GAP43: variants seen among roughly 807,000 people sequenced by gnomAD.
GAP43 encodes neuromodulin.
In GAP43, 6 loss-of-function variants were observed where a neutral mutation model predicts 18.6. That is an observed-to-expected ratio of 0.32 (90% CI 0.18 to 0.64). The LOEUF (loss-of-function observed/expected upper bound fraction) is 0.64, where lower values mean the gene tolerates loss of function less well. Ranked by LOEUF, GAP43 falls within the 30% of genes least tolerant of loss-of-function variation. The pLI, the probability that GAP43 is intolerant of heterozygous loss-of-function variation, is 0.78. For synonymous variants in GAP43, 115 were observed against 111.4 expected (o/e 1.03, Z -0.20); for missense variants, 292 against 295.5 (o/e 0.99, Z 0.09).
At chr3:115,669,983 T>TA (rs1708794434) in intron 1 of GAP43, among the ~76,000 whole-genome samples, 1 of 119,140 alleles carries the variant, frequency 8.4e-6, no homozygotes, top group African/African-American at 3.7e-5. Context: ...TTTTTTTTTT[T>TA]AATTTTTTTT....
At chr3:115,685,364 T>C (rs1474192917) in intron 2 of GAP43, among the ~76,000 whole-genome samples, 3 of 152,194 alleles carry the variant, frequency 2.0e-5, no homozygotes, top group South Asian at 2.1e-4. Context: ...AAGAAATGAT[T>C]TGCCAGGTTC....
chr3:115,688,270 C>T (rs1559801630), intron 2 of GAP43, among the ~76,000 whole-genome samples: 3 of 152,254 alleles, frequency 2.0e-5, no homozygotes, highest in Middle Eastern at 3.4e-3. Context: ...CCACCCACCT[C>T]GGCCTCCCAA....
At chr3:115,698,329 A>ATTATATATAAAATATAT (rs1709252020) in intron 2 of GAP43, among the ~76,000 whole-genome samples, 4 of 90,924 alleles carry the variant, frequency 4.4e-5, no homozygotes, top group Non-Finnish European at 6.4e-5. Context: ...ATATATATAT[A>ATTATATATAAAATATAT]AAACCAGTTC....
chr3:115,633,184 G>C (rs1249811196), intron 1 of GAP43, among the ~76,000 whole-genome samples: 1 of 151,932 alleles, frequency 6.6e-6, no homozygotes, highest in Admixed American at 6.6e-5. Context: ...AATTTTAAAT[G>C]ATGAGAGAGA....
intron 2 of GAP43, among the ~76,000 whole-genome samples, chr3:115,693,485 T>C (rs1709141024): frequency 6.9e-6 from 1 of 144,350 alleles, no homozygotes; most frequent in South Asian, 2.2e-4. Flanking sequence ...AAAATCCTGT[T>C]AAATTATTAT....
chr3:115,697,424 T>G (rs1360615454), intron 2 of GAP43, among the ~76,000 whole-genome samples: 6 of 152,166 alleles, frequency 3.9e-5, no homozygotes, highest in Admixed American at 6.5e-5. Context: ...TCCCTGTACA[T>G]TCTTTGGTGA....
chr3:115,662,284 TG>T (rs1345271755), intron 1 of GAP43, among the ~76,000 whole-genome samples: 2 of 152,218 alleles, frequency 1.3e-5, no homozygotes, highest in African/African-American at 4.8e-5. Context: ...CTTGATTCTC[TG>T]CAGTGATTTA....
chr3:115,709,538 C>T (rs1344765494), intron 2 of GAP43, among the ~76,000 whole-genome samples: 1 of 152,140 alleles, frequency 6.6e-6, no homozygotes, highest in Non-Finnish European at 1.5e-5. Flanking sequence ...TAAACACATA[C>T]AATTAACATT....
chr3:115,720,207 G>A (rs1399067813), intron 2 of GAP43, among the ~76,000 whole-genome samples: 1 of 152,166 alleles, frequency 6.6e-6, no homozygotes, highest in Non-Finnish European at 1.5e-5. Context: ...AGCTGCTACA[G>A]TGCCATGTAT....
intron 2 of GAP43, among the ~76,000 whole-genome samples, chr3:115,702,556 G>A (rs1709309258): frequency 6.6e-6 from 1 of 152,140 alleles, no homozygotes; most frequent in Non-Finnish European, 1.5e-5. Flanking sequence ...CAGTTAAGGA[G>A]ATGATTTTAC....
At chr3:115,623,857 G>T (rs1708148511) in intron 1 of GAP43, 138 bp downstream of exon 1, 1 of 832,634 alleles carries the variant, frequency 1.2e-6, no homozygotes, top group Non-Finnish European at 2.1e-6. Flanking sequence ...GTAACTGATG[G>T]TTGCATCCCA....
At chr3:115,661,217 G>A (rs959068597) in intron 1 of GAP43, 1 of 152,180 alleles carries the variant, frequency 6.6e-6, no homozygotes, top group Admixed American at 6.5e-5. Flanking sequence ...CATGCTGCTA[G>A]CTCACTGGTC....
chr3:115,651,691 G>A (rs1194849068), intron 1 of GAP43, among the ~76,000 whole-genome samples: 3 of 151,958 alleles, frequency 2.0e-5, no homozygotes, highest in Non-Finnish European at 2.9e-5. Context: ...TATCTGGCCC[G>A]TGCTTTTCTT....
At chr3:115,651,518 G>GA (rs1229926771) in intron 1 of GAP43, among the ~76,000 whole-genome samples, 20 of 152,214 alleles carry the variant, frequency 1.3e-4, no homozygotes, top group African/African-American at 4.3e-4. Flanking sequence ...GGCATCAAGA[G>GA]AAAAAATCTA....
At chr3:115,699,867 A>T (rs967162910) in intron 2 of GAP43, among the ~76,000 whole-genome samples, 1 of 152,212 alleles carries the variant, frequency 6.6e-6, no homozygotes, top group Non-Finnish European at 1.5e-5. Context: ...AGCTGATGGC[A>T]CTGGGTTGAG....
chr3:115,706,608 T>C (rs1347804488), intron 2 of GAP43, among the ~76,000 whole-genome samples: 2 of 152,244 alleles, frequency 1.3e-5, no homozygotes, highest in African/African-American at 4.8e-5. Context: ...TTAGTAGCCT[T>C]GATTCTTGTA....
chr3:115,696,577 C>T (rs1288480185), intron 2 of GAP43, among the ~76,000 whole-genome samples: 3 of 87,766 alleles, frequency 3.4e-5, no homozygotes, highest in East Asian at 4.4e-4. Flanking sequence ...TGCCCCCCAC[C>T]GCCCCCCCCC....
At chr3:115,647,772 G>A (rs1708475348) in intron 1 of GAP43, among the ~76,000 whole-genome samples, 3 of 118,946 alleles carry the variant, frequency 2.5e-5, no homozygotes, top group Non-Finnish European at 3.8e-5. Flanking sequence ...AAAAAAAAAC[G>A]GCCTGATAGG....
At chr3:115,702,559 G>T (rs1052181486) in intron 2 of GAP43, among the ~76,000 whole-genome samples, 2 of 152,124 alleles carry the variant, frequency 1.3e-5, no homozygotes, top group African/African-American at 4.8e-5. Flanking sequence ...TTAAGGAGAT[G>T]ATTTTACTTA....
Sources: gnomAD v4.1 joint callset for allele counts (sites outside exome capture counted in the v4.1 genomes callset) on GRCh38, gnomAD v4.1.1 for gene constraint, MANE v1.5 for transcripts, NCBI Gene and HGNC (gene_info 2026-07-23, HGNC 2026-07-21) for gene names.